Variants in GRM5 observed in about 807,000 individuals in gnomAD.
The protein encoded by GRM5 is metabotropic glutamate receptor 5.
A neutral mutation model predicts 83.1 loss-of-function variants in GRM5; 19 were observed. The observed-to-expected ratio is 0.23, with a 90% CI of 0.16 to 0.34. The LOEUF (loss-of-function observed/expected upper bound fraction) is 0.34. Ranked by LOEUF, GRM5 falls within the 10% of genes least tolerant of loss-of-function variation. The probability of loss-of-function intolerance (pLI) is 1.00; values close to 1 mark genes in which losing one functional copy is unlikely to be tolerated. For missense variants in GRM5, 1,160 were observed against 1,588.3 expected (o/e 0.73, Z 4.58); for synonymous variants, 675 against 633.6 (o/e 1.07, Z -0.98).
intron 4 of GRM5, among the ~76,000 whole-genome samples, chr11:88,605,648 G>A (rs1481930135): frequency 6.6e-6 from 1 of 152,106 alleles, no homozygotes; most frequent in African/African-American, 2.4e-5. Context: ...TCCAATAACA[G>A]AGATAAATTA....
intron 3 of GRM5, among the ~76,000 whole-genome samples, chr11:88,695,910 A>G (rs1300172316): frequency 6.6e-6 from 1 of 152,168 alleles, no homozygotes; most frequent in Non-Finnish European, 1.5e-5. Context: ...CAGAAACCTC[A>G]GTAGGCATGT....
intron 2 of GRM5, among the ~76,000 whole-genome samples, chr11:88,982,358 C>T (rs762837100): frequency 5.3e-5 from 8 of 152,104 alleles, no homozygotes; most frequent in Non-Finnish European, 1.2e-4. Context: ...AAACCTTTAG[C>T]TTACATAAGT....
intron 3 of GRM5, among the ~76,000 whole-genome samples, chr11:88,741,469 A>C (rs1243295007): frequency 6.6e-6 from 1 of 152,102 alleles, no homozygotes; most frequent in Non-Finnish European, 1.5e-5. Context: ...AAGTCTTTAC[A>C]GTTCCAACTC....
intron 3 of GRM5, among the ~76,000 whole-genome samples, chr11:88,747,932 C>T (rs533145587): frequency 1.4e-4 from 21 of 152,176 alleles, no homozygotes; most frequent in East Asian, 3.9e-4. Flanking sequence ...TCAGCACCTT[C>T]GACTGAAATA....
chr11:88,685,619 AAGT>A (rs1940602668), intron 3 of GRM5, among the ~76,000 whole-genome samples: 2 of 152,064 alleles, frequency 1.3e-5, no homozygotes, highest in Admixed American at 1.3e-4. Context: ...GCCTAGGAAA[AAGT>A]AGTTTCCTGG....
At position 88,623,968 on chromosome 11, in the gene GRM5, T is replaced by G. The variant is rs533084746; in HGVS notation, c.1148-19004A>C. On this transcript the variant is annotated intron_variant, in intron 4 of 9. Transcript: ENST00000305447. ...AGTGATTGCAACAAAATCTCTGTCA[T>G]GAGTCAAAATGTTGTTTGGAAAAGC... is the stretch of plus-strand genomic sequence containing the variant. 1.1e-4 allele frequency among the ~76,000 whole-genome samples: 16 copies of G among 152,324 alleles called. No homozygotes were observed. The South Asian group carries it at 1.4e-3, about 14-fold the overall frequency.
chr11:88,842,100 T>A (rs1214910529), intron 3 of GRM5, among the ~76,000 whole-genome samples: 1 of 152,336 alleles, frequency 6.6e-6, no homozygotes, highest in African/African-American at 2.4e-5. Flanking sequence ...AAAGTTTTGA[T>A]AAATTTTAAC....
intron 3 of GRM5, among the ~76,000 whole-genome samples, chr11:88,756,836 C>T (rs1942404423): frequency 6.6e-6 from 1 of 151,576 alleles, no homozygotes; most frequent in South Asian, 2.1e-4. Context: ...TGTGGCAGTC[C>T]CAGAAGAATA....
intron 3 of GRM5, among the ~76,000 whole-genome samples, chr11:88,678,142 T>A (rs1940384553): frequency 1.3e-5 from 2 of 151,860 alleles, no homozygotes; most frequent in Admixed American, 6.6e-5. Context: ...CTCTGCAGCC[T>A]CAAACTGCTG....
intron 6 of GRM5, among the ~76,000 whole-genome samples, chr11:88,593,586 G>A (rs1937704479): frequency 6.6e-6 from 1 of 151,120 alleles, no homozygotes; most frequent in Admixed American, 6.6e-5. Flanking sequence ...GCCGAGACAG[G>A]AGAATCACCT....
At chr11:88,892,430 AC>A (rs1363204368) in intron 2 of GRM5, among the ~76,000 whole-genome samples, 1 of 151,864 alleles carries the variant, frequency 6.6e-6, no homozygotes, top group Non-Finnish European at 1.5e-5. Context: ...GGGGATAAAA[AC>A]CCATTGCTGA....
chr11:88,721,548 C>T (rs1310362380), intron 3 of GRM5, among the ~76,000 whole-genome samples: 1 of 152,086 alleles, frequency 6.6e-6, no homozygotes, highest in Non-Finnish European at 1.5e-5. Flanking sequence ...TTTAATCATA[C>T]ATGCTTATAC....
Position 88,567,030 on chromosome 11 carries a change from C to T in GRM5, c.2630+23G>A. ...GCTCCAGTTTTAGGGGCCAGCATCC[C>T]TGTAAGCCCCCACAACTTTTACCTT... is the stretch of plus-strand genomic sequence containing the variant. On this transcript the variant is annotated intron_variant, in intron 8 of 9. Coordinates refer to ENST00000305447, the MANE Select transcript of GRM5 (RefSeq NM_001143831.3). This position sits in a 1 kb window ranked among gnomAD's most constrained non-coding sequence, Gnocchi z 7.3. 1 of 1,481,686 alleles carries T rather than the reference C, an allele frequency of 6.7e-7. No homozygotes were observed. The highest frequency in any genetic ancestry group is 9.3e-7 in the Non-Finnish European group (1 of 1,077,090). 91.8% of individuals were successfully genotyped at this position (1,481,686 alleles called of 1,614,324 possible).
intron 1 of GRM5, among the ~76,000 whole-genome samples, chr11:89,054,633 G>A (rs1315094133): frequency 6.6e-6 from 1 of 152,244 alleles, no homozygotes; most frequent in Non-Finnish European, 1.5e-5. Context: ...TTGTGCCCCA[G>A]GGAATTCCAA....
intron 2 of GRM5, among the ~76,000 whole-genome samples, chr11:88,877,929 G>A (rs1421568407): frequency 1.3e-5 from 2 of 151,766 alleles, no homozygotes; most frequent in African/African-American, 4.8e-5. Flanking sequence ...TGGGTGCAGC[G>A]CACCAGCATG....
chr11:88,663,711 T>C (rs1939963906), intron 3 of GRM5, among the ~76,000 whole-genome samples: 1 of 152,224 alleles, frequency 6.6e-6, no homozygotes, highest in African/African-American at 2.4e-5. Flanking sequence ...TAGAGTTTCC[T>C]GTTACATGAC....
intron 2 of GRM5, among the ~76,000 whole-genome samples, chr11:89,015,030 G>T (rs922935266): frequency 1.3e-5 from 2 of 152,150 alleles, no homozygotes; most frequent in African/African-American, 4.8e-5. Flanking sequence ...ATAAATCAAT[G>T]AAATCATATG....
At chr11:88,770,664 C>A (rs902146117) in intron 3 of GRM5, among the ~76,000 whole-genome samples, 1 of 151,904 alleles carries the variant, frequency 6.6e-6, no homozygotes, top group Non-Finnish European at 1.5e-5. Context: ...TATGTGTCAC[C>A]AAAACTGAAC....
chr11:88,779,574 A>G (rs951542721), intron 3 of GRM5, among the ~76,000 whole-genome samples: 1 of 152,156 alleles, frequency 6.6e-6, no homozygotes, highest in South Asian at 2.1e-4. Flanking sequence ...AGGAAATGAC[A>G]TCAAAGTTTT....
Sources: allele counts gnomAD v4.1 joint callset (sites outside exome capture counted in the v4.1 genomes callset), GRCh38; gene constraint gnomAD v4.1.1; non-coding constraint Gnocchi (gnomAD v3.1); transcripts MANE v1.5; gene names NCBI Gene and HGNC (gene_info 2026-07-23, HGNC 2026-07-21).